DAP: variants seen among roughly 807,000 people sequenced by gnomAD.
DAP encodes death associated protein, also known as death-associated protein 1.
In DAP, 8 loss-of-function variants were observed where a neutral mutation model predicts 13.8. The observed-to-expected ratio is 0.58, with a 90% CI of 0.34 to 1.05. The LOEUF is 1.05. Ranked by LOEUF, DAP falls within the 50% of genes least tolerant of loss-of-function variation. DAP has a pLI of 0.03. For missense variants in DAP, 106 were observed against 133.2 expected (o/e 0.80, Z 1.01); for synonymous variants, 47 against 47.5 (o/e 0.99, Z 0.04).
At position 10,750,273 on chromosome 5, in the gene DAP, A is replaced by G. The variant is rs545181564; in HGVS notation, c.56-2002T>C. Among the ~76,000 whole-genome samples the G allele has an allele frequency of 1.8e-4, 28 of 152,296 alleles. No individual in the cohort carries two copies. In the South Asian group the frequency reaches 5.4e-3, roughly 29 times the overall value. On this transcript the variant is annotated intron_variant, in intron 1 of 3. Transcript: ENST00000230895. Reference sequence around the variant, plus strand: ...GAACGGGAAGGAGAATGGGAGAGGCAGCCTGGGGCTTACATGCTTCAGGTG... The same window carrying G: ...GAACGGGAAGGAGAATGGGAGAGGCGGCCTGGGGCTTACATGCTTCAGGTG...
intron 2 of DAP, among the ~76,000 whole-genome samples, chr5:10,743,948 C>T (rs562809764): frequency 3.9e-5 from 6 of 152,176 alleles, no homozygotes; most frequent in African/African-American, 1.2e-4. Flanking sequence ...TAAGAAATTA[C>T]GTTTAAGTCT....
At chr5:10,688,605 A>C (rs1579784460) in intron 2 of DAP, among the ~76,000 whole-genome samples, 1 of 152,078 alleles carries the variant, frequency 6.6e-6, no homozygotes, top group East Asian at 1.9e-4. Context: ...AGACAAGCAA[A>C]ACAAGTTAAA....
intron 1 of DAP, among the ~76,000 whole-genome samples, chr5:10,759,528 T>C (rs1031655217): frequency 1.3e-5 from 2 of 152,200 alleles, no homozygotes; most frequent in African/African-American, 4.8e-5. Flanking sequence ...AGTGGAATGA[T>C]TTTCTAAAAC....
At chr5:10,727,767 G>A (rs956945300) in intron 2 of DAP, among the ~76,000 whole-genome samples, 2 of 152,194 alleles carry the variant, frequency 1.3e-5, no homozygotes, top group Non-Finnish European at 2.9e-5. Context: ...GCATCCATGG[G>A]AGAGTGGTTC....
intron 2 of DAP, among the ~76,000 whole-genome samples, chr5:10,742,378 T>C (rs1739783442): frequency 6.6e-6 from 1 of 151,984 alleles, no homozygotes; most frequent in African/African-American, 2.4e-5. Context: ...ACTAAAAAAA[T>C]TAGCCAGACG....
chr5:10,715,148 G>A (rs1738952253), intron 2 of DAP, among the ~76,000 whole-genome samples: 1 of 152,128 alleles, frequency 6.6e-6, no homozygotes, highest in Admixed American at 6.5e-5. Flanking sequence ...GGAGTTATAT[G>A]GACAGTTGCT....
At chr5:10,737,962 G>C (rs1320132821) in intron 2 of DAP, among the ~76,000 whole-genome samples, 2 of 152,248 alleles carry the variant, frequency 1.3e-5, no homozygotes, top group Admixed American at 6.5e-5. Flanking sequence ...TAGAGACACA[G>C]GGAGAAACCA....
rs564918384 is a variant in DAP, at chr5:10,706,715, C to T, written c.153-23144G>A. Among the ~76,000 whole-genome samples the T allele has an allele frequency of 2.0e-5, 3 of 152,296 alleles. No homozygotes were observed. The East Asian group carries it at 5.8e-4, about 29-fold the overall frequency. ...AAATGATGATCGGATTTGATAAAGA[C>T]ACACTTTTACTAACCTAGAAACAGT... On this transcript the variant is annotated intron_variant, in intron 2 of 3. Transcript: ENST00000230895.
intron 1 of DAP, among the ~76,000 whole-genome samples, chr5:10,759,720 A>T (rs1322930417): frequency 6.7e-6 from 1 of 149,212 alleles, no homozygotes; most frequent in East Asian, 2.0e-4. Flanking sequence ...ATAGCGGAGG[A>T]CAGCAGAGAA....
rs1014736467 is a variant in DAP, at chr5:10,707,188, G to A, written c.153-23617C>T. 2.0e-5 allele frequency among the ~76,000 whole-genome samples: 3 copies of A among 152,210 alleles called. No homozygotes were observed. Among genetic ancestry groups the A allele is most frequent in the Non-Finnish European group, 2.9e-5 (2 of 68,042 alleles). The stretch of plus-strand genomic sequence containing the variant: ...TTAAGCCAAGTGCTATGAAGGGGAA[G>A]GCCAAGGTGCTAAAGGAGCACACAG... On this transcript the variant is annotated intron_variant, in intron 2 of 3. Transcript: ENST00000230895. This position sits in a 1 kb window ranked among gnomAD's most constrained non-coding sequence, Gnocchi z 4.0.
intron 2 of DAP, among the ~76,000 whole-genome samples, chr5:10,724,740 G>A (rs755384152): frequency 6.6e-6 from 1 of 152,216 alleles, no homozygotes; most frequent in Admixed American, 6.5e-5. Context: ...AAGCTGCAGA[G>A]GAAACATTCC....
chr5:10,740,940 C>T (rs1739738175), intron 2 of DAP, among the ~76,000 whole-genome samples: 1 of 152,174 alleles, frequency 6.6e-6, no homozygotes, highest in Admixed American at 6.5e-5. Context: ...AAAACAATAA[C>T]AATGTAAGTG....
At chr5:10,752,117 T>TC (rs1740061912) in intron 1 of DAP, among the ~76,000 whole-genome samples, 1 of 152,232 alleles carries the variant, frequency 6.6e-6, no homozygotes, top group Admixed American at 6.5e-5. Context: ...AATGATCAAG[T>TC]CTTCTGAAGC....
At chr5:10,714,343 A>G (rs1738927906) in intron 2 of DAP, among the ~76,000 whole-genome samples, 1 of 152,212 alleles carries the variant, frequency 6.6e-6, no homozygotes, top group Admixed American at 6.5e-5. Context: ...ACAGATATTA[A>G]TAGTTTTATA....
At chr5:10,687,714 CAA>C (rs1272566124) in intron 2 of DAP, among the ~76,000 whole-genome samples, 4 of 152,128 alleles carry the variant, frequency 2.6e-5, no homozygotes, top group Non-Finnish European at 5.9e-5. Flanking sequence ...AAAATAACAA[CAA>C]AGGATATAGA....
intron 2 of DAP, among the ~76,000 whole-genome samples, chr5:10,723,093 A>T (rs1478341416): frequency 6.6e-6 from 1 of 152,218 alleles, no homozygotes; most frequent in African/African-American, 2.4e-5. Flanking sequence ...GATATGCCTT[A>T]TGTATTTTGC....
In DAP at chr5:10,754,534, T is replaced by G. The variant is rs150231110; in HGVS notation, c.56-6263A>C. Among the ~76,000 whole-genome samples, 1,352 of 152,262 alleles carry G rather than the reference T, an allele frequency of 8.9e-3. 29 individuals are homozygous for G. The highest frequency in any genetic ancestry group is 0.03 in the African/African-American group (1,232 of 41,530). ...AGTGGGACCCCCCTGGGCCAAACAC[T>G]CCATCTTCCACAGCAGTGTGTGTTC... On this transcript the variant is annotated intron_variant, in intron 1 of 3. Transcript: ENST00000230895.
In DAP at chr5:10,683,524, C is replaced by T; in HGVS notation, c.195+5G>A. 1 of 1,614,058 alleles carries T rather than the reference C, an allele frequency of 6.2e-7. No homozygotes were observed. The highest frequency in any genetic ancestry group is 8.5e-7 in the Non-Finnish European group (1 of 1,179,986). Reference sequence around the variant, plus strand: ...CAAACCCACCGCAGACACTCCCAGACTTACCCGGGCGATGACCCCAGAGAT... The same window carrying T: ...CAAACCCACCGCAGACACTCCCAGATTTACCCGGGCGATGACCCCAGAGAT... On this transcript the variant is annotated splice_donor_5th_base_variant and intron_variant, in intron 3 of 3. Coordinates refer to ENST00000230895, the MANE Select transcript of DAP (RefSeq NM_004394.3).
chr5:10,751,563 A>C (rs1242184706), intron 1 of DAP, among the ~76,000 whole-genome samples: 3 of 152,202 alleles, frequency 2.0e-5, no homozygotes, highest in African/African-American at 7.2e-5. Context: ...AATTGATGAA[A>C]GATGCTATTA....
Sources: allele counts gnomAD v4.1 joint callset (sites outside exome capture counted in the v4.1 genomes callset), GRCh38; gene constraint gnomAD v4.1.1; non-coding constraint Gnocchi (gnomAD v3.1); transcripts MANE v1.5; gene names NCBI Gene and HGNC (gene_info 2026-07-23, HGNC 2026-07-21).